The following SEC14L4 variants were observed in gnomAD, a reference collection of about 807,000 sequenced individuals.
SEC14L4 encodes SEC14 like lipid binding 4, also known as SEC14-like protein 4.
In SEC14L4, 42 loss-of-function variants were observed where a neutral mutation model predicts 55.1. The ratio of observed to expected loss-of-function variants is 0.76; its 90% CI spans 0.60 to 0.99. The LOEUF is 0.99. SEC14L4 is among the 50% of genes least tolerant of loss of function. SEC14L4 has a pLI of 0.00. For missense variants in SEC14L4, 445 were observed against 512.1 expected (o/e 0.87, Z 1.27); for synonymous variants, 206 against 206.8 (o/e 1.00, Z 0.03).
At chr22:30,497,390 TG>T (rs1936184583) in intron 2 of SEC14L4, among the ~76,000 whole-genome samples, 1 of 151,610 alleles carries the variant, frequency 6.6e-6, no homozygotes, top group East Asian at 1.9e-4. Flanking sequence ...CTAGGCGTGG[TG>T]GTGCACACCT....
chr22:30,497,318 G>C (rs773378361), intron 2 of SEC14L4, among the ~76,000 whole-genome samples: 6 of 151,826 alleles, frequency 4.0e-5, no homozygotes, highest in Non-Finnish European at 8.8e-5. Context: ...CAGCCTGGGG[G>C]ACAACAGCAA....
At chr22:30,490,802 A>T (rs528114013) in intron 11 of SEC14L4, among the ~76,000 whole-genome samples, 156 of 152,222 alleles carry the variant, frequency 1.0e-3, no homozygotes, top group African/African-American at 3.6e-3. Flanking sequence ...AGAGCAAGGG[A>T]GGGGAGGTAC....
chr22:30,500,754 A>AT (rs531954470), intron 2 of SEC14L4, among the ~76,000 whole-genome samples: 10,361 of 78,938 alleles, frequency 0.13, 1,595 homozygotes, highest in Middle Eastern at 0.17. Flanking sequence ...TGAGAACAGA[A>AT]TTTTTTTTTT....
At chr22:30,503,102 G>C (rs973156091) in intron 2 of SEC14L4, among the ~76,000 whole-genome samples, 1 of 152,184 alleles carries the variant, frequency 6.6e-6, no homozygotes. Context: ...TGTCCTGGCT[G>C]TTAACTGTAA....
intron 7 of SEC14L4, chr22:30,492,913 G>T (rs184660054): frequency 1.4e-5 from 3 of 221,038 alleles, no homozygotes; most frequent in Non-Finnish European, 2.8e-5. Context: ...GTGAAACTCC[G>T]TCTCTACTAA....
intron 6 of SEC14L4, 118 bp downstream of exon 6, chr22:30,494,748 A>G (rs887150339): frequency 1.3e-5 from 9 of 683,346 alleles, no homozygotes; most frequent in Non-Finnish European, 2.4e-5. Context: ...TGGTCTGTGG[A>G]GCCCCTGCAA....
At position 30,500,759 on chromosome 22, in the gene SEC14L4, T is replaced by A. The variant is rs942712553; in HGVS notation, c.130+2918A>T. Among the ~76,000 whole-genome samples, 3 of 128,092 alleles carry A rather than the reference T, an allele frequency of 2.3e-5. No homozygotes were observed. The East Asian group carries it at 6.1e-4, about 26-fold the overall frequency. The allele number at this position is 128,092 out of a possible 152,430, so 84.0% of individuals were successfully genotyped here. A position where few individuals can be genotyped will look rare whatever the true frequency, so the allele number is the denominator to read the frequency against. On this transcript the variant is annotated intron_variant, in intron 2 of 11. Transcript: ENST00000255858. ...TCATGGGATATGAGAACAGAATTTTTTTTTTTTTTTTTTTTTTTTTTTTTA... is the reference window on the plus strand; with the variant it reads ...TCATGGGATATGAGAACAGAATTTTATTTTTTTTTTTTTTTTTTTTTTTTA...
chr22:30,501,725 A>C (rs1219138016), intron 2 of SEC14L4, among the ~76,000 whole-genome samples: 1 of 151,886 alleles, frequency 6.6e-6, no homozygotes, highest in Non-Finnish European at 1.5e-5. Context: ...AGAAGATGTT[A>C]ATAATAAGGA....
At chr22:30,499,089 C>T (rs1228745443) in intron 2 of SEC14L4, among the ~76,000 whole-genome samples, 20 of 152,044 alleles carry the variant, frequency 1.3e-4, no homozygotes, top group African/African-American at 3.9e-4. Context: ...TACAGGCACC[C>T]GCCACCACGC....
intron 1 of SEC14L4, 75 bp from the exon 2 acceptor site, chr22:30,503,827 C>T: frequency 1.8e-6 from 2 of 1,107,962 alleles, no homozygotes; most frequent in Non-Finnish European, 2.7e-6. Flanking sequence ...CCTAACCCTT[C>T]CCACATCATC....
chr22:30,492,102 C>T lies in SEC14L4; in HGVS notation c.718G>A (p.Glu240Lys). Reference sequence around the variant, plus strand: ...GGGTCAGTCATGGTCCCCCCAAACTCCACAGGCAGCTGGTCGGGGCTGATG... The same window carrying T: ...GGGTCAGTCATGGTCCCCCCAAACTTCACAGGCAGCTGGTCGGGGCTGATG... ...KFISPDQLPVEFGGTMTDPDG... is the reference protein window; with the variant it reads ...KFISPDQLPVKFGGTMTDPDG... Residue 240 changes from glutamate (E) to lysine (K), a missense_variant, in exon 9 of 12, where the codon GAG (glutamate) becomes AAG (lysine). Transcript: ENST00000255858. The T allele has an allele frequency of 3.7e-6, 6 of 1,613,934 alleles. No homozygotes were observed. Among genetic ancestry groups the T allele is most frequent in the Non-Finnish European group, 5.1e-6 (6 of 1,179,868 alleles).
Position 30,489,854 on chromosome 22 carries a change from G to A in SEC14L4, c.*253C>T, listed in dbSNP as rs569591857. Reference sequence around the variant, plus strand: ...TCCTCAGTGGACTGGATCATCTTCAGCGTTCTCATTCTCAGCCGCATTCTC... The same window carrying A: ...TCCTCAGTGGACTGGATCATCTTCAACGTTCTCATTCTCAGCCGCATTCTC... On this transcript the variant is annotated 3_prime_UTR_variant, in exon 12 of 12. Coordinates refer to ENST00000255858, the MANE Select transcript of SEC14L4 (RefSeq NM_174977.4). The A allele has an allele frequency of 6.7e-5, 104 of 1,551,218 alleles. No individual in the cohort carries two copies. Among genetic ancestry groups the A allele is most frequent in the Non-Finnish European group, 8.8e-5 (101 of 1,146,606 alleles).
chr22:30,499,542 AG>A (rs1936255845), intron 2 of SEC14L4, among the ~76,000 whole-genome samples: 1 of 151,158 alleles, frequency 6.6e-6, no homozygotes, highest in Non-Finnish European at 1.5e-5. Context: ...GTTCGAGACC[AG>A]CTTGGCCAAC....
At chr22:30,497,169 T>A (rs1936177616) in intron 2 of SEC14L4, among the ~76,000 whole-genome samples, 1 of 151,922 alleles carries the variant, frequency 6.6e-6, no homozygotes, top group South Asian at 2.1e-4. Context: ...TGAAACCCCG[T>A]CTCTACTAAA....
At chr22:30,502,455 G>A (rs145996018) in intron 2 of SEC14L4, among the ~76,000 whole-genome samples, 3 of 152,262 alleles carry the variant, frequency 2.0e-5, no homozygotes, top group African/African-American at 7.2e-5. Context: ...TATGCTTTCC[G>A]GGCTGACTCC....
chr22:30,496,404 G>A (rs1323322792), intron 2 of SEC14L4, among the ~76,000 whole-genome samples: 30 of 152,230 alleles, frequency 2.0e-4, no homozygotes, highest in Admixed American at 1.5e-3. Flanking sequence ...AATTACAGGC[G>A]CGAGCCTCTG....
chr22:30,497,018 C>T (rs192086066), intron 2 of SEC14L4, among the ~76,000 whole-genome samples: 5 of 152,224 alleles, frequency 3.3e-5, no homozygotes, highest in Admixed American at 2.6e-4. Context: ...TCCAGGCCTC[C>T]TCTGCTCTGA....
chr22:30,492,290 G>A, intron 8 of SEC14L4, 135 bp from the exon 9 acceptor site: 1 of 1,244,188 alleles, frequency 8.0e-7, no homozygotes, highest in East Asian at 2.5e-5. Flanking sequence ...GAGTACCCAA[G>A]ACCTTTATGT....
At chr22:30,492,703 C>A in intron 7 of SEC14L4, 146 bp from the exon 8 acceptor site, 1 of 658,240 alleles carries the variant, frequency 1.5e-6, no homozygotes. Flanking sequence ...AGTTACCCAC[C>A]CTCTCCAAGT....
Sources: allele counts gnomAD v4.1 joint callset (sites outside exome capture counted in the v4.1 genomes callset), GRCh38; gene constraint gnomAD v4.1.1; transcripts MANE v1.5; gene names NCBI Gene and HGNC (gene_info 2026-07-23, HGNC 2026-07-21).